Variants in MDFIC2 observed in about 807,000 individuals in gnomAD.
The protein encoded by MDFIC2 is myoD family inhibitor domain-containing protein 2.
In MDFIC2 at chr3:70,246,317, G is replaced by A. The variant is rs564325663; in HGVS notation, c.89-39527C>T. ...TTGAGCAACATGTCAGAAACAGTTT[G>A]AACGTAAGCTGGAAAGAAACTGTCT... is the stretch of plus-strand genomic sequence containing the variant. On this transcript the variant is annotated intron_variant, in intron 2 of 3. Transcript: ENST00000567252. 2.0e-5 allele frequency among the ~76,000 whole-genome samples: 3 copies of A among 152,210 alleles called. 1 individual carries two copies. The highest frequency in any genetic ancestry group is 4.8e-5 in the African/African-American group (2 of 41,560).
intron 2 of MDFIC2, among the ~76,000 whole-genome samples, chr3:70,270,852 G>A (rs935639263): frequency 6.6e-6 from 1 of 152,054 alleles, no homozygotes; most frequent in African/African-American, 2.4e-5. Flanking sequence ...CATGGACACA[G>A]GGAGGGGAAC....
chr3:70,202,505 C>A (rs2106721031), intron 3 of MDFIC2, among the ~76,000 whole-genome samples: 1 of 152,228 alleles, frequency 6.6e-6, no homozygotes, highest in South Asian at 2.1e-4. Flanking sequence ...GTCACAAGTT[C>A]TTTGTATATT....
intron 2 of MDFIC2, among the ~76,000 whole-genome samples, chr3:70,253,850 G>A (rs902206983): frequency 6.6e-6 from 1 of 152,108 alleles, no homozygotes; most frequent in African/African-American, 2.4e-5. Context: ...TATTAAATAA[G>A]CTTAAGTGAA....
chr3:70,265,948 TC>T (rs768259775), intron 2 of MDFIC2, among the ~76,000 whole-genome samples: 6 of 152,110 alleles, frequency 3.9e-5, no homozygotes, highest in African/African-American at 1.4e-4. Context: ...CCACCTGGTC[TC>T]CCCCTTGACA....
At chr3:70,256,979 C>T (rs796900659) in intron 2 of MDFIC2, among the ~76,000 whole-genome samples, 1 of 152,106 alleles carries the variant, frequency 6.6e-6, no homozygotes, top group Non-Finnish European at 1.5e-5. Flanking sequence ...CGACTATGGG[C>T]TGAGCGAAGG....
chr3:70,266,680 A>G (rs1701919668), intron 2 of MDFIC2, among the ~76,000 whole-genome samples: 1 of 152,128 alleles, frequency 6.6e-6, no homozygotes, highest in East Asian at 1.9e-4. Flanking sequence ...TCCTAGGCCC[A>G]AGAGATTCTT....
intron 2 of MDFIC2, among the ~76,000 whole-genome samples, chr3:70,306,672 T>C (rs1025708613): frequency 6.6e-6 from 1 of 152,176 alleles, no homozygotes; most frequent in Admixed American, 6.6e-5. Context: ...AACATCTGGT[T>C]AGAAGATTGC....
chr3:70,311,653 A>G (rs1702454124), intron 2 of MDFIC2, among the ~76,000 whole-genome samples: 1 of 152,204 alleles, frequency 6.6e-6, no homozygotes, highest in Admixed American at 6.5e-5. Flanking sequence ...TTACCAACAA[A>G]GTAATCTATG....
At chr3:70,257,544 G>C (rs1701828496) in intron 2 of MDFIC2, among the ~76,000 whole-genome samples, 1 of 152,090 alleles carries the variant, frequency 6.6e-6, no homozygotes, top group Admixed American at 6.6e-5. Flanking sequence ...ATCAATTAGA[G>C]GAAGATACGC....
chr3:70,293,888 A>G (rs1444331484), intron 2 of MDFIC2, among the ~76,000 whole-genome samples: 2 of 151,980 alleles, frequency 1.3e-5, no homozygotes, highest in African/African-American at 4.8e-5. Flanking sequence ...TTTTTGTGTT[A>G]CATGTTGAAG....
chr3:70,278,375 G>C (rs1702048604), intron 2 of MDFIC2, among the ~76,000 whole-genome samples: 1 of 152,156 alleles, frequency 6.6e-6, no homozygotes, highest in South Asian at 2.1e-4. Flanking sequence ...TATGACTGAA[G>C]CTGATATGAA....
At chr3:70,251,465 G>C (rs1253721415) in intron 2 of MDFIC2, among the ~76,000 whole-genome samples, 1 of 152,046 alleles carries the variant, frequency 6.6e-6, no homozygotes, top group Non-Finnish European at 1.5e-5. Flanking sequence ...GTATATATTA[G>C]ATCAATGTAT....
chr3:70,270,229 T>A (rs1190278110), intron 2 of MDFIC2, among the ~76,000 whole-genome samples: 2 of 152,174 alleles, frequency 1.3e-5, no homozygotes, highest in Non-Finnish European at 2.9e-5. Context: ...ACCAGTTGGT[T>A]TTACAAATGA....
At chr3:70,235,296 G>C (rs1240018150) in intron 2 of MDFIC2, among the ~76,000 whole-genome samples, 1 of 152,080 alleles carries the variant, frequency 6.6e-6, no homozygotes, top group Non-Finnish European at 1.5e-5. Flanking sequence ...AGGTGTACTA[G>C]AGACTATAAA....
intron 2 of MDFIC2, among the ~76,000 whole-genome samples, chr3:70,256,205 T>C (rs1575608071): frequency 6.6e-6 from 1 of 152,208 alleles, no homozygotes; most frequent in Non-Finnish European, 1.5e-5. Flanking sequence ...ATTAAAACTT[T>C]AGTTGTAAAG....
At chr3:70,304,771 C>T (rs1702383959) in intron 2 of MDFIC2, among the ~76,000 whole-genome samples, 1 of 152,032 alleles carries the variant, frequency 6.6e-6, no homozygotes, top group African/African-American at 2.4e-5. Flanking sequence ...CATATGTTAC[C>T]CTGTTTAGAA....
At chr3:70,211,537 C>T (rs1253448100) in intron 2 of MDFIC2, among the ~76,000 whole-genome samples, 1 of 32,920 alleles carries the variant, frequency 3.0e-5, no homozygotes. Context: ...TCCCTTTGCC[C>T]TTCCCTTCCC....
intron 2 of MDFIC2, among the ~76,000 whole-genome samples, chr3:70,275,598 G>A (rs867261864): frequency 1.3e-5 from 2 of 152,260 alleles, no homozygotes; most frequent in Middle Eastern, 3.4e-3. Flanking sequence ...TTAAATCCTG[G>A]CCTTGCCACT....
At chr3:70,304,546 G>C (rs1459975208) in intron 2 of MDFIC2, among the ~76,000 whole-genome samples, 1 of 151,970 alleles carries the variant, frequency 6.6e-6, no homozygotes, top group Admixed American at 6.6e-5. Flanking sequence ...CTAAAGCCGG[G>C]GGTCAGCCTT....
Sources: gnomAD v4.1 joint callset for allele counts (sites outside exome capture counted in the v4.1 genomes callset) on GRCh38, gnomAD v4.1.1 for gene constraint, MANE v1.5 for transcripts, NCBI Gene and HGNC (gene_info 2026-07-23, HGNC 2026-07-21) for gene names.